The following ANKRD30B variants were observed in gnomAD, a reference collection of about 807,000 sequenced individuals.
ANKRD30B encodes the protein ankyrin repeat domain 30B, also known as ankyrin repeat domain-containing protein 30B.
A neutral mutation model predicts 202.2 loss-of-function variants in ANKRD30B; 144 were observed. The observed-to-expected ratio is 0.71, with a 90% CI of 0.62 to 0.82. The LOEUF (loss-of-function observed/expected upper bound fraction) is 0.82. Ranked by LOEUF, ANKRD30B falls within the 40% of genes least tolerant of loss-of-function variation. ANKRD30B has a pLI of 0.00. For missense variants in ANKRD30B, 1,487 were observed against 1,669.1 expected, an observed-to-expected ratio of 0.89 and a Z score of 1.90; for synonymous variants, 508 against 561.3, an observed-to-expected ratio of 0.91 and a Z score of 1.34.
chr18:14,941,046 A>G, the ANKRD30B span, among the ~76,000 whole-genome samples: 1 of 152,154 alleles, frequency 6.6e-6, no homozygotes, highest in Non-Finnish European at 1.5e-5. Flanking sequence ...CCCCAGGATA[A>G]CACTGCAGGT....
the ANKRD30B span, among the ~76,000 whole-genome samples, chr18:14,876,030 C>G: frequency 1.3e-5 from 2 of 152,104 alleles, no homozygotes; most frequent in South Asian, 4.1e-4. Flanking sequence ...TTGTACTGCT[C>G]AAGTCAGAGC....
chr18:14,803,721 T>A lies in ANKRD30B; in HGVS notation c.2194-13T>A. The stretch of plus-strand genomic sequence containing the variant: ...TCTCCATTGAAATTATTTATTGATA[T>A]TACTTTTAACAGAGTTTCCTTGAGA... On this transcript the variant is annotated splice_polypyrimidine_tract_variant and intron_variant, in intron 23 of 43. Coordinates refer to ENST00000690538, the MANE Select transcript of ANKRD30B (RefSeq NM_001367607.2). 6.5e-7 allele frequency: 1 copy of A among 1,549,434 alleles called. No homozygotes were observed. Among genetic ancestry groups the A allele is most frequent in the Non-Finnish European group, 8.8e-7 (1 of 1,133,100 alleles).
chr18:14,786,909 C>A, intron 14 of ANKRD30B, 130 bp from the exon 15 acceptor site: 1 of 870,238 alleles, frequency 1.1e-6, no homozygotes, highest in South Asian at 2.0e-5. Flanking sequence ...TCACTGTAAT[C>A]AACAAAAAGA....
At chr18:14,933,356 C>G in the ANKRD30B span, among the ~76,000 whole-genome samples, 30 of 152,308 alleles carry the variant, frequency 2.0e-4, no homozygotes, top group African/African-American at 6.7e-4. Context: ...AGCTCCTGTC[C>G]TGTTCTGCAG....
At chr18:14,837,498 T>C in intron 35 of ANKRD30B, 117 bp from the exon 36 acceptor site, 1 of 962,754 alleles carries the variant, frequency 1.0e-6, no homozygotes, top group Non-Finnish European at 1.5e-6. Context: ...TGAAATTCTA[T>C]TTTTGCTATT....
At chr18:14,856,574 G>A (rs1972114622), downstream of ANKRD30B, among the ~76,000 whole-genome samples, 2 of 118,372 alleles carry the variant, frequency 1.7e-5, no homozygotes, top group African/African-American at 6.0e-5. Flanking sequence ...CCCAGATGGG[G>A]CGGCCGGGCA....
intron 11 of ANKRD30B, among the ~76,000 whole-genome samples, chr18:14,780,726 G>T (rs558081704): frequency 2.0e-5 from 3 of 152,360 alleles, no homozygotes; most frequent in East Asian, 3.9e-4. Flanking sequence ...CTGCAGTTTT[G>T]TACAACTTGA....
chr18:14,928,820 T>C, the ANKRD30B span, among the ~76,000 whole-genome samples: 49 of 152,360 alleles, frequency 3.2e-4, no homozygotes, highest in African/African-American at 1.1e-3. Context: ...ATCTGTCTCA[T>C]TGACTATTCT....
the ANKRD30B span, among the ~76,000 whole-genome samples, chr18:14,909,674 T>A: frequency 6.6e-6 from 1 of 152,346 alleles, no homozygotes; most frequent in East Asian, 1.9e-4. Context: ...CCCAAAGTGC[T>A]GAGATTACAG....
chr18:14,757,618 A>G (rs1914578188), intron 4 of ANKRD30B, among the ~76,000 whole-genome samples, 197 bp from the exon 5 acceptor site: 1 of 152,146 alleles, frequency 6.6e-6, no homozygotes. Flanking sequence ...ATGTTAGCCA[A>G]TTCTAGTATG....
the ANKRD30B span, among the ~76,000 whole-genome samples, chr18:14,860,521 C>T: frequency 1.6e-5 from 2 of 128,794 alleles, no homozygotes; most frequent in African/African-American, 2.9e-5. Flanking sequence ...GAGGGGCTCC[C>T]CACTTCCCAG....
the ANKRD30B span, among the ~76,000 whole-genome samples, chr18:14,884,484 A>G: frequency 1.3e-5 from 2 of 151,950 alleles, no homozygotes; most frequent in Non-Finnish European, 2.9e-5. Context: ...TTACACAGCA[A>G]TAGATAACTA....
At position 14,765,747 on chromosome 18, in the gene ANKRD30B, CT is replaced by C. The variant is rs35586663; in HGVS notation, c.1225+1666del. 0.026 allele frequency among the ~76,000 whole-genome samples: 3,880 copies of C among 151,184 alleles called. 291 individuals are homozygous for C. The East Asian group carries it at 0.29, about 11-fold the overall frequency. On this transcript the variant is annotated intron_variant, in intron 7 of 43. Coordinates refer to ENST00000690538, the MANE Select transcript of ANKRD30B (RefSeq NM_001367607.2). ...CTTTTGTAGTAGTTCATGCTATAGT[CT>C]TTTTTTTTGTCACCAATCTGTGGCC...
chr18:14,927,285 T>A, the ANKRD30B span, among the ~76,000 whole-genome samples: 3 of 152,184 alleles, frequency 2.0e-5, no homozygotes, highest in African/African-American at 2.4e-5. Flanking sequence ...TCAGTTCTTT[T>A]AAACTCCGAA....
intron 39 of ANKRD30B, among the ~76,000 whole-genome samples, chr18:14,843,652 T>G (rs931739365): frequency 1.3e-5 from 2 of 151,772 alleles, no homozygotes; most frequent in Non-Finnish European, 2.9e-5. Context: ...TACCCTTAAT[T>G]TTTAAAAACT....
At chr18:14,783,902 C>A (rs552880804) in intron 12 of ANKRD30B, among the ~76,000 whole-genome samples, 1 of 152,048 alleles carries the variant, frequency 6.6e-6, no homozygotes, top group Non-Finnish European at 1.5e-5. Flanking sequence ...CATAACACTT[C>A]ACTGATGAGA....
At chr18:14,790,924 T>C (rs570975270) in intron 15 of ANKRD30B, among the ~76,000 whole-genome samples, 1 of 152,250 alleles carries the variant, frequency 6.6e-6, no homozygotes, top group East Asian at 1.9e-4. Flanking sequence ...TTAGGGAGGA[T>C]TCCCTCTTTT....
intron 32 of ANKRD30B, chr18:14,825,279 T>C (rs1209114129): frequency 1.3e-5 from 2 of 152,210 alleles, no homozygotes; most frequent in Non-Finnish European, 2.9e-5. Context: ...GAGAGACATA[T>C]ACTGAAACAG....
the ANKRD30B span, among the ~76,000 whole-genome samples, chr18:14,893,017 T>G: frequency 6.6e-6 from 1 of 151,274 alleles, no homozygotes; most frequent in Non-Finnish European, 1.5e-5. Flanking sequence ...TTTGTAAAGA[T>G]TCTACGTTTA....
Sources: allele counts gnomAD v4.1 joint callset (sites outside exome capture counted in the v4.1 genomes callset), GRCh38; gene constraint gnomAD v4.1.1; transcripts MANE v1.5; gene names NCBI Gene and HGNC (gene_info 2026-07-23, HGNC 2026-07-21).